PAK2: variants seen among roughly 807,000 people sequenced by gnomAD.
PAK2 encodes the protein serine/threonine-protein kinase PAK 2.
Under a neutral mutation model 65.9 loss-of-function variants are expected in PAK2, and 21 were observed. That is an observed-to-expected ratio of 0.32 (90% CI 0.23 to 0.46). PAK2 has a LOEUF of 0.46. PAK2 is among the 20% of genes least tolerant of loss of function. The pLI is 1.00. For missense variants in PAK2, 324 were observed against 642.6 expected (o/e 0.50, Z 5.36); for synonymous variants, 204 against 219.7 (o/e 0.93, Z 0.63).
chr3:196,795,941 T>C lies in PAK2; in HGVS notation c.188-5986T>C, dbSNP rs13313984. Among the ~76,000 whole-genome samples the C allele has an allele frequency of 1.5e-3, 226 of 152,328 alleles. 1 individual carries two copies. Among genetic ancestry groups the C allele is most frequent in the African/African-American group, 5.3e-3 (219 of 41,576 alleles). On this transcript the variant is annotated intron_variant, in intron 2 of 14. Coordinates refer to ENST00000327134, the MANE Select transcript of PAK2 (RefSeq NM_002577.4). ...CCACAGACCCAGTGGTGCGGGGGAA[T>C]GGTTTCGAGATGAAACTGTTCCATC...
At chr3:196,745,818 TAA>T (rs747996109) in intron 1 of PAK2, among the ~76,000 whole-genome samples, 4 of 142,176 alleles carry the variant, frequency 2.8e-5, no homozygotes, top group South Asian at 2.2e-4. Flanking sequence ...CATCTCTAAG[TAA>T]AAAAAAAAAA....
At chr3:196,743,678 A>G (rs1299701054) in intron 1 of PAK2, among the ~76,000 whole-genome samples, 1 of 152,010 alleles carries the variant, frequency 6.6e-6, no homozygotes, top group African/African-American at 2.4e-5. Flanking sequence ...TGAAACCTAT[A>G]TTCTCTACTA....
At chr3:196,802,179 A>G (rs1715440916) in intron 3 of PAK2, 152 bp downstream of exon 3, 1 of 623,294 alleles carries the variant, frequency 1.6e-6, no homozygotes, top group Non-Finnish European at 2.9e-6. Context: ...CTGGCAGATC[A>G]TTTGAGGTCA....
chr3:196,756,850 G>C (rs184021729), intron 1 of PAK2, among the ~76,000 whole-genome samples: 1 of 152,100 alleles, frequency 6.6e-6, no homozygotes, highest in African/African-American at 2.4e-5. Context: ...AAGAAAGAAA[G>C]AAACAAAATG....
rs183202233 is a variant in PAK2, at chr3:196,775,405, C to T, written c.-21-7221C>T. On this transcript the variant is annotated intron_variant, in intron 1 of 14. Coordinates refer to ENST00000327134, the MANE Select transcript of PAK2 (RefSeq NM_002577.4). ...ATTTATTTATTTATTTTTTTTGAGACGGAATCTCACTCTGTGGCCCAGGCT... is the reference window on the plus strand; with the variant it reads ...ATTTATTTATTTATTTTTTTTGAGATGGAATCTCACTCTGTGGCCCAGGCT... 6.9e-3 allele frequency among the ~76,000 whole-genome samples: 1,055 copies of T among 151,940 alleles called. 9 individuals are homozygous for T. Among genetic ancestry groups the T allele is most frequent in the African/African-American group, 0.024 (1,012 of 41,428 alleles).
rs75744182 is a variant in PAK2, at chr3:196,744,585, C to T, written c.-22+4428C>T. On this transcript the variant is annotated intron_variant, in intron 1 of 14. Coordinates refer to ENST00000327134, the MANE Select transcript of PAK2 (RefSeq NM_002577.4). ...ATTACTTTCTCTTTTTAGTCCCATT[C>T]CTTAGAAGTACCTACCCGCTGTTAA... 7.5e-3 allele frequency among the ~76,000 whole-genome samples: 1,147 copies of T among 152,206 alleles called. 7 individuals carry two copies. The highest frequency in any genetic ancestry group is 0.02 in the Middle Eastern group (6 of 294).
intron 11 of PAK2, among the ~76,000 whole-genome samples, chr3:196,817,356 T>G (rs1218586511): frequency 6.6e-6 from 1 of 151,284 alleles, no homozygotes; most frequent in Admixed American, 6.6e-5. Context: ...TGTCCGTCTT[T>G]TTTTGTTTTT....
At chr3:196,756,573 C>A (rs1713775211) in intron 1 of PAK2, among the ~76,000 whole-genome samples, 2 of 152,166 alleles carry the variant, frequency 1.3e-5, no homozygotes, top group African/African-American at 4.8e-5. Context: ...CGTGGTGGCT[C>A]ATGCCTGTAA....
intron 1 of PAK2, among the ~76,000 whole-genome samples, chr3:196,758,893 A>G (rs1713851145): frequency 6.6e-6 from 1 of 152,122 alleles, no homozygotes; most frequent in Admixed American, 6.6e-5. Context: ...CCTGACCTCA[A>G]GTGATCTGCC....
intron 1 of PAK2, among the ~76,000 whole-genome samples, chr3:196,742,269 G>A (rs1713223042): frequency 6.6e-6 from 1 of 151,948 alleles, no homozygotes; most frequent in African/African-American, 2.4e-5. Flanking sequence ...TGTATTTTTA[G>A]TAGAGATGGG....
intron 1 of PAK2, among the ~76,000 whole-genome samples, chr3:196,782,239 G>T (rs781527582): frequency 6.6e-6 from 1 of 151,356 alleles, no homozygotes; most frequent in African/African-American, 2.4e-5. Flanking sequence ...CTCTAGAGGT[G>T]CACCTCCCCA....
chr3:196,818,911 T>C (rs1711562646), intron 12 of PAK2, among the ~76,000 whole-genome samples: 1 of 152,192 alleles, frequency 6.6e-6, no homozygotes, highest in South Asian at 2.1e-4. Context: ...TTAATTCTTA[T>C]AAGGTACTTA....
rs757566107 is a variant in PAK2 at position 196,803,109 on chromosome 3, A to C, written c.381A>C (p.Leu127=). ...ATCCTCAGGCTGTGCTGGATGTCCTAAAGTTCTACGACTCCAACACAGTGA... is the reference window on the plus strand; with the variant it reads ...ATCCTCAGGCTGTGCTGGATGTCCTCAAGTTCTACGACTCCAACACAGTGA... ...KKNPQAVLDV[L]KFYDSNTVKQ... Residue 127 remains leucine (L), a synonymous_variant, in exon 4 of 15, where the codon CTA becomes CTC. Coordinates refer to ENST00000327134, the MANE Select transcript of PAK2 (RefSeq NM_002577.4). 5 of 1,613,218 alleles carry C rather than the reference A, an allele frequency of 3.1e-6. No individual in the cohort carries two copies. The highest frequency in any genetic ancestry group is 4.2e-6 in the Non-Finnish European group (5 of 1,179,450).
chr3:196,815,158 C>A (rs183265303), intron 11 of PAK2, among the ~76,000 whole-genome samples: 50 of 151,240 alleles, frequency 3.3e-4, no homozygotes, highest in South Asian at 2.7e-3. Context: ...CCAGCCTGGG[C>A]AACAGAGCGA....
intron 1 of PAK2, among the ~76,000 whole-genome samples, chr3:196,773,363 A>G (rs1369516161): frequency 6.6e-6 from 1 of 152,180 alleles, no homozygotes; most frequent in Non-Finnish European, 1.5e-5. Flanking sequence ...TTTTTGGCTA[A>G]CATATAAGAT....
At chr3:196,812,075 G>GT (rs1284350107) in intron 8 of PAK2, 144 bp from the exon 9 acceptor site, 1 of 529,536 alleles carries the variant, frequency 1.9e-6, no homozygotes, top group South Asian at 2.4e-5. Flanking sequence ...CTTTCCTCAG[G>GT]TTTTTGCTTT....
chr3:196,785,827 G>A (rs1393791040), intron 2 of PAK2, among the ~76,000 whole-genome samples: 2 of 152,072 alleles, frequency 1.3e-5, no homozygotes, highest in Non-Finnish European at 2.9e-5. Context: ...CTTGTGCAGG[G>A]AAACTCCCCC....
intron 1 of PAK2, among the ~76,000 whole-genome samples, chr3:196,752,585 GTTTTA>G: frequency 6.6e-6 from 1 of 151,770 alleles, no homozygotes; most frequent in Non-Finnish European, 1.5e-5. Context: ...TGGTAATTTT[GTTTTA>G]TTTATTTGTT....
At chr3:196,745,826 A>G (rs1180853740) in intron 1 of PAK2, among the ~76,000 whole-genome samples, 2 of 151,372 alleles carry the variant, frequency 1.3e-5, no homozygotes, top group African/African-American at 4.8e-5. Context: ...AGTAAAAAAA[A>G]AAAAAGAAGA....
Sources: allele counts gnomAD v4.1 joint callset (sites outside exome capture counted in the v4.1 genomes callset), GRCh38; gene constraint gnomAD v4.1.1; transcripts MANE v1.5; gene names NCBI Gene and HGNC (gene_info 2026-07-23, HGNC 2026-07-21).